Variants in AOPEP observed in about 807,000 individuals in gnomAD.
AOPEP encodes the protein aminopeptidase O.
Under a neutral mutation model 98.1 loss-of-function variants are expected in AOPEP, and 77 were observed. That is an observed-to-expected ratio of 0.78 (90% CI 0.65 to 0.95). The LOEUF (loss-of-function observed/expected upper bound fraction) is 0.95, where lower values mean the gene tolerates loss of function less well. Among genes scored for constraint, AOPEP ranks in the 40% least tolerant of loss-of-function variants. The pLI is 0.00. For synonymous variants in AOPEP, 346 were observed against 365.3 expected (o/e 0.95, Z 0.60); for missense variants, 1,024 against 1,024.7 (o/e 1.00, Z 0.01).
rs540773590 is a variant in AOPEP at position 94,819,202 on chromosome 9, T to C, written c.1364+18200T>C. On this transcript the variant is annotated intron_variant, in intron 5 of 16. Transcript: ENST00000375315. ...ACTTTTGGATCAGAGATTGAGCCTGTCAGCTCCTGAAACAGCTGTCTCTGA... is the reference window on the plus strand; with the variant it reads ...ACTTTTGGATCAGAGATTGAGCCTGCCAGCTCCTGAAACAGCTGTCTCTGA... 3.9e-4 allele frequency among the ~76,000 whole-genome samples: 59 copies of C among 152,288 alleles called. 1 individual carries two copies. Among genetic ancestry groups the C allele is most frequent in the Admixed American group, 1.3e-3 (20 of 15,302 alleles).
At chr9:95,061,063 G>A (rs2067277138) in intron 14 of AOPEP, 1 of 345,682 alleles carries the variant, frequency 2.9e-6, no homozygotes, top group South Asian at 4.1e-5. Context: ...AGGAATGAGT[G>A]GAATGTTTTT....
chr9:95,048,540 AC>A (rs1482151188), intron 13 of AOPEP, among the ~76,000 whole-genome samples: 1 of 151,920 alleles, frequency 6.6e-6, no homozygotes, highest in Non-Finnish European at 1.5e-5. Flanking sequence ...CAGCACCGGG[AC>A]CGACCACGGC....
intron 1 of AOPEP, among the ~76,000 whole-genome samples, chr9:94,728,239 GCACA>G (rs78505500): frequency 0.013 from 1,833 of 146,572 alleles, 34 homozygotes; most frequent in African/African-American, 0.042. Flanking sequence ...GTGCGCGCAT[GCACA>G]CACACACACA....
intron 11 of AOPEP, among the ~76,000 whole-genome samples, chr9:94,993,672 G>A (rs921514271): frequency 6.6e-6 from 1 of 152,122 alleles, no homozygotes; most frequent in African/African-American, 2.4e-5. Flanking sequence ...GTTTCAAACC[G>A]CACTGAGAGA....
At chr9:94,809,238 ATAAACT>A (rs1162347889) in intron 5 of AOPEP, among the ~76,000 whole-genome samples, 1 of 152,248 alleles carries the variant, frequency 6.6e-6, no homozygotes, top group Non-Finnish European at 1.5e-5. Flanking sequence ...AATGGATTAA[ATAAACT>A]TAAAAGAGAT....
chr9:94,961,151 C>T (rs62579888), intron 9 of AOPEP, among the ~76,000 whole-genome samples: 3,230 of 152,176 alleles, frequency 0.021, 52 homozygotes, highest in Middle Eastern at 0.041. Flanking sequence ...GGCATTAAAT[C>T]CTGCTGTGGA....
chr9:95,146,487 CAAAAAAA>C, the AOPEP span, among the ~76,000 whole-genome samples: 3 of 45,572 alleles, frequency 6.6e-5, no homozygotes, highest in Admixed American at 4.0e-4. Flanking sequence ...GACCCCATCT[CAAAAAAA>C]AAAAAAAAAA....
At chr9:95,087,532 C>G (rs965166622), downstream of AOPEP, among the ~76,000 whole-genome samples, 5 of 85,076 alleles carry the variant, frequency 5.9e-5, no homozygotes, top group Admixed American at 6.6e-4. Context: ...AAAAGGTATT[C>G]TCCACATTCT....
chr9:95,102,427 T>C, the AOPEP span, among the ~76,000 whole-genome samples: 1 of 152,190 alleles, frequency 6.6e-6, no homozygotes, highest in East Asian at 1.9e-4. Flanking sequence ...CCTGTAAGTA[T>C]TTTCCTAAAA....
At chr9:95,070,667 CAGACT>C (rs1399256572) in intron 14 of AOPEP, among the ~76,000 whole-genome samples, 1 of 152,268 alleles carries the variant, frequency 6.6e-6, no homozygotes, top group Non-Finnish European at 1.5e-5. Flanking sequence ...ATGCATGCCC[CAGACT>C]TGCATGATGC....
chr9:95,096,480 G>C, the AOPEP span, among the ~76,000 whole-genome samples: 1 of 152,208 alleles, frequency 6.6e-6, no homozygotes, highest in African/African-American at 2.4e-5. Context: ...GATGTGGTAA[G>C]CAGAGAGGGT....
At chr9:95,088,428 C>G (rs977157585), downstream of AOPEP, among the ~76,000 whole-genome samples, 5 of 152,126 alleles carry the variant, frequency 3.3e-5, no homozygotes, top group Non-Finnish European at 7.4e-5. Context: ...AGGCTGGTCT[C>G]GAACTCCCGA....
At chr9:95,101,448 C>T in the AOPEP span, 12 of 540,088 alleles carry the variant, frequency 2.2e-5, no homozygotes, top group South Asian at 2.6e-4. Flanking sequence ...AGCTGACGGT[C>T]TGGCCGGGCG....
At chr9:95,051,145 A>G (rs1475695864) in intron 13 of AOPEP, among the ~76,000 whole-genome samples, 4 of 138,616 alleles carry the variant, frequency 2.9e-5, no homozygotes, top group African/African-American at 1.1e-4. Context: ...GCTGAAGTGC[A>G]ATGGCGTGAT....
At chr9:94,855,480 G>GAC (rs2044075377) in intron 5 of AOPEP, among the ~76,000 whole-genome samples, 1 of 152,006 alleles carries the variant, frequency 6.6e-6, no homozygotes, top group African/African-American at 2.4e-5. Context: ...CCTGAGGTCG[G>GAC]GAGTTCGAGA....
chr9:95,129,315 C>T, the AOPEP span, among the ~76,000 whole-genome samples: 1 of 152,164 alleles, frequency 6.6e-6, no homozygotes, highest in Non-Finnish European at 1.5e-5. Context: ...AGGCATATGT[C>T]CCAGCGACAT....
intron 4 of AOPEP, among the ~76,000 whole-genome samples, chr9:94,799,118 T>C (rs2133690440): frequency 6.6e-6 from 1 of 152,292 alleles, no homozygotes; most frequent in Non-Finnish European, 1.5e-5. Context: ...TACCTAGCCA[T>C]ATTGGTCTCC....
intron 6 of AOPEP, among the ~76,000 whole-genome samples, chr9:94,927,738 T>A (rs1423618882): frequency 2.0e-5 from 3 of 152,232 alleles, no homozygotes; most frequent in Non-Finnish European, 4.4e-5. Flanking sequence ...AGAGACTCAG[T>A]AAATATCTGT....
intron 11 of AOPEP, 129 bp from the exon 12 acceptor site, chr9:95,005,029 C>A: frequency 3.7e-6 from 1 of 266,778 alleles, no homozygotes. Flanking sequence ...GCGCGGGCTC[C>A]GGCGCCGCCG....
Sources: gnomAD v4.1 joint callset for allele counts (sites outside exome capture counted in the v4.1 genomes callset) on GRCh38, gnomAD v4.1.1 for gene constraint, MANE v1.5 for transcripts, NCBI Gene and HGNC (gene_info 2026-07-23, HGNC 2026-07-21) for gene names.